The following DOCK9 variants were observed in gnomAD, a reference collection of about 807,000 sequenced individuals.
The protein encoded by DOCK9 is dedicator of cytokinesis protein 9.
DOCK9 carries 89 observed loss-of-function variants against 263.3 expected under a neutral mutation model. The observed-to-expected ratio is 0.34, with a 90% CI of 0.28 to 0.40. The LOEUF is 0.40. DOCK9 is among the 10% of genes least tolerant of loss of function. The pLI is 1.00. For synonymous variants in DOCK9, 976 were observed against 973.1 expected (o/e 1.00, Z -0.06); for missense variants, 2,140 against 2,603.4 (o/e 0.82, Z 3.87).
chr13:99,074,380 T>C (rs1293570306), intron 1 of DOCK9, among the ~76,000 whole-genome samples: 2 of 152,236 alleles, frequency 1.3e-5, no homozygotes, highest in African/African-American at 4.8e-5. Flanking sequence ...TCTATGGTAT[T>C]ACACTGAACA....
At chr13:98,813,800 C>T (rs182488116) in intron 45 of DOCK9, among the ~76,000 whole-genome samples, 9 of 151,820 alleles carry the variant, frequency 5.9e-5, no homozygotes, top group Non-Finnish European at 1.2e-4. Flanking sequence ...CCACCATGCC[C>T]GGCTAATTTT....
intron 49 of DOCK9, among the ~76,000 whole-genome samples, chr13:98,802,480 T>C (rs1293631872): frequency 1.3e-5 from 2 of 152,118 alleles, no homozygotes; most frequent in African/African-American, 4.8e-5. Flanking sequence ...TGACTGCTGG[T>C]CTGTGTGTCT....
intron 1 of DOCK9, among the ~76,000 whole-genome samples, chr13:99,081,346 T>C (rs1026733762): frequency 2.0e-5 from 3 of 152,206 alleles, no homozygotes; most frequent in African/African-American, 7.2e-5. Context: ...TACCATCCCA[T>C]ACCTTCTGTC....
intron 45 of DOCK9, among the ~76,000 whole-genome samples, chr13:98,821,530 C>T (rs747079668): frequency 2.0e-5 from 3 of 152,308 alleles, no homozygotes; most frequent in Non-Finnish European, 4.4e-5. Context: ...TACCTGCATC[C>T]TTCCAGGACC....
intron 1 of DOCK9, among the ~76,000 whole-genome samples, chr13:99,040,200 T>C (rs1888324336): frequency 6.6e-6 from 1 of 152,152 alleles, no homozygotes; most frequent in Non-Finnish European, 1.5e-5. Context: ...GTCACCATCT[T>C]CAAACCAGCA....
At chr13:99,080,659 T>G (rs2042088079) in intron 1 of DOCK9, among the ~76,000 whole-genome samples, 1 of 152,202 alleles carries the variant, frequency 6.6e-6, no homozygotes, top group Non-Finnish European at 1.5e-5. Context: ...ATAAAAGTCT[T>G]CCTTATCTCT....
intron 1 of DOCK9, among the ~76,000 whole-genome samples, chr13:98,975,456 A>G (rs2060163893): frequency 7.0e-6 from 1 of 143,426 alleles, no homozygotes; most frequent in Non-Finnish European, 1.5e-5. Flanking sequence ...CCATAATAGT[A>G]TATTCTCTAA....
chr13:98,806,569 G>A (rs375887003), intron 48 of DOCK9, among the ~76,000 whole-genome samples: 1 of 152,016 alleles, frequency 6.6e-6, no homozygotes, highest in African/African-American at 2.4e-5. Flanking sequence ...AAAAACAGAT[G>A]GAAAAGTGCC....
intron 1 of DOCK9, among the ~76,000 whole-genome samples, chr13:99,003,669 AT>A (rs1882802507): frequency 6.7e-6 from 1 of 149,496 alleles, no homozygotes; most frequent in Admixed American, 6.6e-5. Flanking sequence ...CTTGTCTCTT[AT>A]TTAACTGCCA....
chr13:98,905,446 G>A (rs1459122626), intron 9 of DOCK9, among the ~76,000 whole-genome samples: 2 of 152,146 alleles, frequency 1.3e-5, no homozygotes, highest in African/African-American at 4.8e-5. Flanking sequence ...ACCTCCCAAG[G>A]GAAGGCCCAT....
At chr13:99,011,595 C>T (rs1884484800) in intron 1 of DOCK9, among the ~76,000 whole-genome samples, 1 of 152,192 alleles carries the variant, frequency 6.6e-6, no homozygotes, top group Non-Finnish European at 1.5e-5. Flanking sequence ...ATGATTATAA[C>T]AGCTAACAAT....
chr13:98,923,119 T>C (rs1302602442), intron 5 of DOCK9, among the ~76,000 whole-genome samples, 183 bp downstream of exon 5: 2 of 152,204 alleles, frequency 1.3e-5, no homozygotes, highest in African/African-American at 2.4e-5. Flanking sequence ...AGCAGTAAAG[T>C]TGAAACAGAG....
At chr13:99,024,526 A>G (rs1886492316) in intron 1 of DOCK9, among the ~76,000 whole-genome samples, 1 of 152,234 alleles carries the variant, frequency 6.6e-6, no homozygotes, top group South Asian at 2.1e-4. Flanking sequence ...AGTTGTTCCA[A>G]CATGTGAAGA....
chr13:99,027,339 C>G (rs1341617124), intron 1 of DOCK9, among the ~76,000 whole-genome samples: 1 of 152,084 alleles, frequency 6.6e-6, no homozygotes, highest in Non-Finnish European at 1.5e-5. Flanking sequence ...TCTAAACAAC[C>G]CTAAAAGTTG....
intron 1 of DOCK9, among the ~76,000 whole-genome samples, chr13:99,031,384 G>C (rs1390738024): frequency 6.6e-6 from 1 of 152,214 alleles, no homozygotes; most frequent in African/African-American, 2.4e-5. Context: ...TGAAATATGA[G>C]CCAGGGCTCT....
chr13:98,801,673 A>G (rs1274619861), intron 49 of DOCK9, among the ~76,000 whole-genome samples: 2 of 152,210 alleles, frequency 1.3e-5, no homozygotes, highest in South Asian at 4.1e-4. Context: ...ATAGGCAGGT[A>G]GATATGTACT....
chr13:98,817,400 C>T (rs1190613241), intron 45 of DOCK9, among the ~76,000 whole-genome samples: 1 of 149,568 alleles, frequency 6.7e-6, no homozygotes, highest in African/African-American at 2.5e-5. Flanking sequence ...ATAAATTACC[C>T]ATCCTCAGGT....
intron 1 of DOCK9, chr13:99,086,214 C>A (rs1385095175): frequency 1.3e-6 from 2 of 1,497,940 alleles, no homozygotes; most frequent in African/African-American, 1.5e-5. Context: ...GCGGTCGTCC[C>A]GCACTCACCA....
intron 2 of DOCK9, among the ~76,000 whole-genome samples, chr13:98,941,781 C>T (rs1351498213): frequency 6.6e-6 from 1 of 152,002 alleles, no homozygotes; most frequent in African/African-American, 2.4e-5. Flanking sequence ...AAACAGCCTC[C>T]TCAAAAATAA....
Sources: allele counts gnomAD v4.1 joint callset (sites outside exome capture counted in the v4.1 genomes callset), GRCh38; gene constraint gnomAD v4.1.1; transcripts MANE v1.5; gene names NCBI Gene and HGNC (gene_info 2026-07-23, HGNC 2026-07-21).